The following NAALADL2 variants were observed in gnomAD, a reference collection of about 807,000 sequenced individuals.
NAALADL2 encodes inactive N-acetylated-alpha-linked acidic dipeptidase-like protein 2.
Under a neutral mutation model 87.2 loss-of-function variants are expected in NAALADL2, and 76 were observed. That is an observed-to-expected ratio of 0.87 (90% CI 0.72 to 1.05). The LOEUF (loss-of-function observed/expected upper bound fraction) is 1.05. Among genes scored for constraint, NAALADL2 ranks in the 50% least tolerant of loss-of-function variants. The probability of loss-of-function intolerance (pLI) is 0.00; values close to 1 mark genes in which losing one functional copy is unlikely to be tolerated. For synonymous variants in NAALADL2, 354 were observed against 331.0 expected (o/e 1.07, Z -0.75); for missense variants, 1,089 against 945.8 (o/e 1.15, Z -1.99).
intron 11 of NAALADL2, among the ~76,000 whole-genome samples, chr3:175,714,581 C>CT (rs1262613439): frequency 6.6e-6 from 1 of 151,724 alleles, no homozygotes; most frequent in Non-Finnish European, 1.5e-5. Flanking sequence ...GGGATTGTTT[C>CT]TTTTTTCTTG....
At chr3:174,946,327 A>G (rs988385319) in intron 1 of NAALADL2, among the ~76,000 whole-genome samples, 12 of 152,140 alleles carry the variant, frequency 7.9e-5, no homozygotes, top group African/African-American at 2.9e-4. Context: ...TATTTCACAA[A>G]AATTCAGTAA....
chr3:174,981,445 G>T (rs369691520), intron 1 of NAALADL2, among the ~76,000 whole-genome samples: 73 of 152,252 alleles, frequency 4.8e-4, no homozygotes, highest in African/African-American at 1.6e-3. Context: ...CAAAGATTTT[G>T]TGTCATGTTT....
At chr3:175,554,206 T>TG (rs1037477490) in intron 9 of NAALADL2, among the ~76,000 whole-genome samples, 24 of 152,128 alleles carry the variant, frequency 1.6e-4, no homozygotes, top group African/African-American at 4.6e-4. Flanking sequence ...AGAGGAGACT[T>TG]GTGAGGCAGC....
At chr3:175,272,158 A>G (rs1474788715) in intron 4 of NAALADL2, among the ~76,000 whole-genome samples, 1 of 152,222 alleles carries the variant, frequency 6.6e-6, no homozygotes, top group African/African-American at 2.4e-5. Context: ...TGTCATTTTT[A>G]GACATCGATG....
intron 13 of NAALADL2, among the ~76,000 whole-genome samples, chr3:175,783,364 T>C (rs1431662446): frequency 6.6e-6 from 1 of 151,532 alleles, no homozygotes; most frequent in Non-Finnish European, 1.5e-5. Flanking sequence ...CATTTGTTTG[T>C]ATCCTCTTTT....
At chr3:174,756,523 A>G (rs536750311) in intron 3 of NAALADL2, among the ~76,000 whole-genome samples, 1 of 152,358 alleles carries the variant, frequency 6.6e-6, no homozygotes, top group East Asian at 1.9e-4. Flanking sequence ...GCTGCCAAAT[A>G]GTATTAAGTT....
At chr3:175,011,252 CAGAG>C (rs146111801) in intron 1 of NAALADL2, among the ~76,000 whole-genome samples, 2 of 95,768 alleles carry the variant, frequency 2.1e-5, no homozygotes, top group African/African-American at 4.6e-5. Context: ...GGGAGAGAGA[CAGAG>C]AGAGAGGGAG....
rs142354390 is a variant in NAALADL2 at position 175,466,868 on chromosome 3, C to T, written c.1328-111C>T. On this transcript the variant is annotated intron_variant, in intron 7 of 13. Coordinates refer to ENST00000454872, the MANE Select transcript of NAALADL2 (RefSeq NM_207015.3). ...ATTAAAGTAGTCTTAATTATTAGAG[C>T]AATTTTGCTTAATTATTGCTCAGTT... 97 of 853,660 alleles carry T rather than the reference C, an allele frequency of 1.1e-4. No individual in the cohort carries two copies. In the African/African-American group the frequency reaches 1.4e-3, roughly 12 times the overall value. 52.9% of individuals were successfully genotyped at this position (853,660 alleles called of 1,614,324 possible).
chr3:175,703,746 A>AAAAT (rs922520950), intron 11 of NAALADL2, among the ~76,000 whole-genome samples: 47 of 152,182 alleles, frequency 3.1e-4, no homozygotes, highest in African/African-American at 1.1e-3. Flanking sequence ...CCATCTCAAA[A>AAAAT]AAATAAATAA....
chr3:174,553,987 G>C (rs1646924034), intron 2 of NAALADL2, among the ~76,000 whole-genome samples: 1 of 152,044 alleles, frequency 6.6e-6, no homozygotes, highest in Admixed American at 6.6e-5. Context: ...TGTTCTCCAT[G>C]TCATAGTTTC....
chr3:175,782,584 C>A (rs955050758), intron 13 of NAALADL2, among the ~76,000 whole-genome samples: 3 of 145,386 alleles, frequency 2.1e-5, no homozygotes, highest in African/African-American at 8.2e-5. Flanking sequence ...TTGTTTGAGT[C>A]ATTGTAGATT....
At chr3:175,104,410 T>G (rs535660661) in intron 2 of NAALADL2, among the ~76,000 whole-genome samples, 1 of 152,182 alleles carries the variant, frequency 6.6e-6, no homozygotes. Flanking sequence ...GACATGCTTT[T>G]GTACAAACAT....
At chr3:175,607,886 C>G (rs1723988118) in intron 10 of NAALADL2, among the ~76,000 whole-genome samples, 1 of 150,792 alleles carries the variant, frequency 6.6e-6, no homozygotes, top group Non-Finnish European at 1.5e-5. Context: ...GACAGAAGAG[C>G]AGGTGACATG....
chr3:175,274,084 T>C (rs1043686978), intron 4 of NAALADL2, among the ~76,000 whole-genome samples: 1 of 152,198 alleles, frequency 6.6e-6, no homozygotes, highest in Non-Finnish European at 1.5e-5. Flanking sequence ...GGGTAATTTA[T>C]TTATAAAAGG....
At chr3:175,436,064 T>C (rs1233112457) in intron 5 of NAALADL2, among the ~76,000 whole-genome samples, 1 of 138,622 alleles carries the variant, frequency 7.2e-6, no homozygotes, top group Non-Finnish European at 1.5e-5. Flanking sequence ...TGTGATCTCA[T>C]TGTTCAATTC....
upstream of NAALADL2, among the ~76,000 whole-genome samples, chr3:174,859,108 T>A (rs1726165755): frequency 6.6e-6 from 1 of 152,146 alleles, no homozygotes; most frequent in Non-Finnish European, 1.5e-5. Context: ...AATATAAATA[T>A]GTTTCTGGAC....
Position 175,652,680 on chromosome 3 carries a change from A to G in NAALADL2, c.1896+25294A>G, listed in dbSNP as rs536092979. Among the ~76,000 whole-genome samples, 185 of 151,978 alleles carry G rather than the reference A, an allele frequency of 1.2e-3. 1 individual carries two copies. Among genetic ancestry groups the G allele is most frequent in the African/African-American group, 4.1e-3 (171 of 41,432 alleles). On this transcript the variant is annotated intron_variant, in intron 11 of 13. Transcript: ENST00000454872. ...TTTTTAGTAGAAACGGGGTTTCACCATGTTAGCCAGGATGGTCTCGATCTC... is the reference window on the plus strand; with the variant it reads ...TTTTTAGTAGAAACGGGGTTTCACCGTGTTAGCCAGGATGGTCTCGATCTC...
chr3:174,646,213 C>A (rs1344607288), intron 2 of NAALADL2, among the ~76,000 whole-genome samples: 1 of 151,948 alleles, frequency 6.6e-6, no homozygotes, highest in East Asian at 1.9e-4. Context: ...AAAAAAAATT[C>A]TTGAGCAGGA....
intron 9 of NAALADL2, among the ~76,000 whole-genome samples, chr3:175,541,217 C>T (rs756828578): frequency 2.0e-4 from 30 of 152,184 alleles, no homozygotes; most frequent in Non-Finnish European, 1.5e-5. Flanking sequence ...ACTCTAATAG[C>T]CAAATCTGTT....
Sources: gnomAD v4.1 joint callset for allele counts (sites outside exome capture counted in the v4.1 genomes callset) on GRCh38, gnomAD v4.1.1 for gene constraint, MANE v1.5 for transcripts, NCBI Gene and HGNC (gene_info 2026-07-23, HGNC 2026-07-21) for gene names.